FHIT: variants seen among roughly 807,000 people sequenced by gnomAD.
The protein encoded by FHIT is fragile histidine triad diadenosine triphosphatase.
A neutral mutation model predicts 17.9 loss-of-function variants in FHIT; 19 were observed. That is an observed-to-expected ratio of 1.06 (90% CI 0.74 to 1.56). The LOEUF is 1.56. Among genes scored for constraint, FHIT ranks in the 40% most tolerant of loss-of-function variants. The pLI, the probability that FHIT is intolerant of heterozygous loss-of-function variation, is 0.00. For missense variants in FHIT, 248 were observed against 189.2 expected (o/e 1.31, Z -1.82); for synonymous variants, 81 against 69.7 (o/e 1.16, Z -0.81).
rs76971751 is a variant in FHIT at position 60,179,831 on chromosome 3, G to A, written c.104-165679C>T. 2.6e-3 allele frequency among the ~76,000 whole-genome samples: 397 copies of A among 152,170 alleles called. 2 individuals are homozygous for A. The highest frequency in any genetic ancestry group is 8.9e-3 in the African/African-American group (371 of 41,520). Reference sequence around the variant, plus strand: ...TCCTGACATCTTGGTCTCTCTAAACGGGTTCTCTTCGTTCTGCATGCTACA... The same window carrying A: ...TCCTGACATCTTGGTCTCTCTAAACAGGTTCTCTTCGTTCTGCATGCTACA... On this transcript the variant is annotated intron_variant, in intron 5 of 9. Coordinates refer to ENST00000492590, the MANE Select transcript of FHIT (RefSeq NM_002012.4).
chr3:59,824,364 A>G lies in FHIT; in HGVS notation c.349-72043T>C, dbSNP rs1700903237. Among the ~76,000 whole-genome samples the G allele has an allele frequency of 2.0e-5, 3 of 152,238 alleles. No homozygotes were observed. In the South Asian group the frequency reaches 6.2e-4, roughly 32 times the overall value. ...AGAGACCTTGCATTGCGTATCTTAC[A>G]TGCACTGGCTTGGCAGCCTTGAGAA... On this transcript the variant is annotated intron_variant, in intron 8 of 9. Transcript: ENST00000492590.
chr3:60,087,565 A>C (rs1703548492), intron 5 of FHIT, among the ~76,000 whole-genome samples: 1 of 152,182 alleles, frequency 6.6e-6, no homozygotes, highest in Non-Finnish European at 1.5e-5. Context: ...CCATGCCACT[A>C]ACTGAGGTCT....
At chr3:59,979,817 G>A (rs1708573863) in intron 7 of FHIT, among the ~76,000 whole-genome samples, 1 of 152,100 alleles carries the variant, frequency 6.6e-6, no homozygotes, top group Non-Finnish European at 1.5e-5. Context: ...GTGAAACTGA[G>A]CGTCACCATC....
chr3:60,338,769 G>A (rs1710368940), intron 5 of FHIT, among the ~76,000 whole-genome samples: 1 of 152,154 alleles, frequency 6.6e-6, no homozygotes, highest in Admixed American at 6.5e-5. Flanking sequence ...GGAATAAACT[G>A]CCTATTTATT....
At chr3:61,040,597 T>C (rs1405977635) in intron 3 of FHIT, among the ~76,000 whole-genome samples, 3 of 152,152 alleles carry the variant, frequency 2.0e-5, no homozygotes, top group Non-Finnish European at 2.9e-5. Context: ...CAGAGTTTTC[T>C]AATCGTTAAT....
chr3:61,166,308 A>G (rs2037835781), intron 2 of FHIT, among the ~76,000 whole-genome samples: 1 of 152,348 alleles, frequency 6.6e-6, no homozygotes, highest in African/African-American at 2.4e-5. Context: ...TCATCTGAAG[A>G]GCCAGACTTG....
intron 5 of FHIT, among the ~76,000 whole-genome samples, chr3:60,352,164 A>G (rs1474757058): frequency 6.6e-6 from 1 of 152,170 alleles, no homozygotes; most frequent in Non-Finnish European, 1.5e-5. Context: ...AAAATAAGTG[A>G]GTTATTTTAC....
rs541936269 is a variant in FHIT at position 60,099,953 on chromosome 3, C to T, written c.104-85801G>A. Among the ~76,000 whole-genome samples, 11 of 152,228 alleles carry T rather than the reference C, an allele frequency of 7.2e-5. No individual in the cohort carries two copies. The East Asian group carries it at 7.7e-4, about 11-fold the overall frequency. ...CATGCTTCACACAGTAGAAGTGCTC[C>T]GTAAATGGTTGTGGTGTGTGTTGAA... On this transcript the variant is annotated intron_variant, in intron 5 of 9. Transcript: ENST00000492590.
At chr3:59,829,933 A>T (rs1204275411) in intron 8 of FHIT, among the ~76,000 whole-genome samples, 1 of 152,122 alleles carries the variant, frequency 6.6e-6, no homozygotes, top group African/African-American at 2.4e-5. Context: ...CAAAAATAAA[A>T]AAAAAATTAG....
intron 5 of FHIT, among the ~76,000 whole-genome samples, chr3:60,135,136 A>G (rs1699762391): frequency 1.3e-5 from 2 of 152,120 alleles, no homozygotes; most frequent in African/African-American, 4.8e-5. Context: ...TGCCACAGGA[A>G]CTCAAAGGTG....
intron 2 of FHIT, among the ~76,000 whole-genome samples, chr3:61,135,799 G>A (rs1358117856): frequency 6.6e-6 from 1 of 151,722 alleles, no homozygotes; most frequent in Non-Finnish European, 1.5e-5. Context: ...TCAAATACGT[G>A]GACTAGAAAT....
intron 3 of FHIT, among the ~76,000 whole-genome samples, chr3:61,035,640 G>A (rs1166808532): frequency 6.6e-6 from 1 of 152,074 alleles, no homozygotes; most frequent in Non-Finnish European, 1.5e-5. Context: ...AATTAGCTTG[G>A]CTTTAGCTTT....
chr3:60,372,532 C>T (rs1369527283), intron 5 of FHIT, among the ~76,000 whole-genome samples: 1 of 152,194 alleles, frequency 6.6e-6, no homozygotes, highest in Admixed American at 6.5e-5. Context: ...CACATGCCCA[C>T]ACTTGGATTT....
Position 60,198,607 on chromosome 3 carries a change from G to A in FHIT, c.104-184455C>T, listed in dbSNP as rs1451398422. Among the ~76,000 whole-genome samples, 3 of 152,088 alleles carry A rather than the reference G, an allele frequency of 2.0e-5. No homozygotes were observed. In the East Asian group the frequency reaches 5.8e-4, roughly 29 times the overall value. The stretch of plus-strand genomic sequence containing the variant: ...CATAATAGGCTCAGCACATTCATTA[G>A]GACTGAGGATGTTCTTCCCTTTGGT... On this transcript the variant is annotated intron_variant, in intron 5 of 9. Transcript: ENST00000492590.
intron 5 of FHIT, among the ~76,000 whole-genome samples, chr3:60,141,186 G>T (rs1348259299): frequency 5.9e-5 from 9 of 152,012 alleles, no homozygotes; most frequent in African/African-American, 2.2e-4. Flanking sequence ...ATTCTTAAGA[G>T]AATTAAAACA....
At chr3:60,153,803 C>G (rs1576212458) in intron 5 of FHIT, among the ~76,000 whole-genome samples, 1 of 152,238 alleles carries the variant, frequency 6.6e-6, no homozygotes, top group East Asian at 1.9e-4. Flanking sequence ...AACCCCCTTC[C>G]CCAGGCCCTT....
chr3:59,926,423 G>A (rs947405344), intron 7 of FHIT, among the ~76,000 whole-genome samples: 1 of 152,224 alleles, frequency 6.6e-6, no homozygotes, highest in East Asian at 1.9e-4. Context: ...GGGTGATGCA[G>A]AAGATAAGTA....
chr3:61,139,275 C>T (rs530405997), intron 2 of FHIT, among the ~76,000 whole-genome samples: 4 of 152,194 alleles, frequency 2.6e-5, no homozygotes, highest in South Asian at 2.1e-4. Context: ...GTGATCTGCC[C>T]GCCTCGGCCT....
intron 7 of FHIT, among the ~76,000 whole-genome samples, chr3:59,967,579 C>A (rs986659507): frequency 6.6e-6 from 1 of 152,154 alleles, no homozygotes; most frequent in Non-Finnish European, 1.5e-5. Context: ...CTACTATAAC[C>A]TTACAAGCTT....
Sources: gnomAD v4.1 joint callset for allele counts (sites outside exome capture counted in the v4.1 genomes callset) on GRCh38, gnomAD v4.1.1 for gene constraint, MANE v1.5 for transcripts, NCBI Gene and HGNC (gene_info 2026-07-23, HGNC 2026-07-21) for gene names.